Variants in EDIL3 observed in about 807,000 individuals in gnomAD.
EDIL3 encodes the protein EGF like and discoidin domains 3.
Under a neutral mutation model 67.4 loss-of-function variants are expected in EDIL3, and 37 were observed. The ratio of observed to expected loss-of-function variants is 0.55; its 90% CI spans 0.42 to 0.72. The LOEUF (loss-of-function observed/expected upper bound fraction) is 0.72, where lower values mean the gene tolerates loss of function less well. Among genes scored for constraint, EDIL3 ranks in the 30% least tolerant of loss-of-function variants. EDIL3 has a pLI of 0.00. For synonymous variants in EDIL3, 195 were observed against 196.3 expected (o/e 0.99, Z 0.05); for missense variants, 527 against 586.3 (o/e 0.90, Z 1.04).
intron 6 of EDIL3, among the ~76,000 whole-genome samples, chr5:84,100,918 A>G (rs1253557967): frequency 6.6e-6 from 1 of 152,078 alleles, no homozygotes; most frequent in Non-Finnish European, 1.5e-5. Flanking sequence ...AGAAAATTAT[A>G]GAACATGAGA....
chr5:84,209,273 C>T (rs1320606670), intron 3 of EDIL3, among the ~76,000 whole-genome samples: 3 of 151,914 alleles, frequency 2.0e-5, no homozygotes, highest in Admixed American at 1.3e-4. Context: ...ACACCTAATG[C>T]TAAATGACGA....
chr5:83,956,065 C>T (rs1744508968), intron 10 of EDIL3, among the ~76,000 whole-genome samples: 1 of 151,756 alleles, frequency 6.6e-6, no homozygotes, highest in African/African-American at 2.4e-5. Flanking sequence ...GTTCCTGTGG[C>T]TAATGAGTCA....
chr5:84,111,534 CTAGGTAGTAGTGACA>C (rs1344905248), intron 5 of EDIL3, among the ~76,000 whole-genome samples: 3 of 152,120 alleles, frequency 2.0e-5, no homozygotes, highest in African/African-American at 7.2e-5. Context: ...TGGCACTTTT[CTAGGTAGTAGTGACA>C]TAGGGATAAA....
chr5:84,231,765 T>C (rs1459117619), intron 2 of EDIL3, among the ~76,000 whole-genome samples: 2 of 152,084 alleles, frequency 1.3e-5, no homozygotes, highest in African/African-American at 4.8e-5. Flanking sequence ...TATCATAACA[T>C]GTTCAAAGAG....
chr5:83,947,679 G>T (rs1580247054), intron 10 of EDIL3, among the ~76,000 whole-genome samples: 1 of 151,786 alleles, frequency 6.6e-6, no homozygotes, highest in East Asian at 2.0e-4. Flanking sequence ...CAATACAATA[G>T]GACAGGTATG....
chr5:84,310,488 G>A (rs1409472075), intron 1 of EDIL3, among the ~76,000 whole-genome samples: 1 of 152,086 alleles, frequency 6.6e-6, no homozygotes, highest in African/African-American at 2.4e-5. Context: ...GAAAAAAATA[G>A]TAATCTTAAA....
intron 1 of EDIL3, among the ~76,000 whole-genome samples, chr5:84,314,464 T>C (rs970482529): frequency 6.6e-6 from 1 of 152,224 alleles, no homozygotes; most frequent in Non-Finnish European, 1.5e-5. Flanking sequence ...AATGAATGCA[T>C]GCAAAGGAAA....
At chr5:84,008,059 T>C (rs887254364) in intron 9 of EDIL3, among the ~76,000 whole-genome samples, 1 of 152,088 alleles carries the variant, frequency 6.6e-6, no homozygotes, top group African/African-American at 2.4e-5. Context: ...TTTCACTCAT[T>C]TGTGGGAGCT....
At chr5:83,965,892 C>T (rs374644187) in intron 9 of EDIL3, among the ~76,000 whole-genome samples, 3 of 151,924 alleles carry the variant, frequency 2.0e-5, no homozygotes, top group African/African-American at 7.2e-5. Context: ...ACTTAGAGTA[C>T]GAGGCCTAAG....
chr5:84,203,248 G>A (rs531595059), intron 3 of EDIL3, among the ~76,000 whole-genome samples: 7 of 152,254 alleles, frequency 4.6e-5, no homozygotes, highest in Non-Finnish European at 8.8e-5. Flanking sequence ...CTGATATTCT[G>A]TAGGCTGTCA....
intron 4 of EDIL3, among the ~76,000 whole-genome samples, chr5:84,150,835 CA>C (rs528981687): frequency 8.2e-4 from 125 of 152,286 alleles, no homozygotes; most frequent in African/African-American, 3.0e-3. Flanking sequence ...ATGTTCATAG[CA>C]GCTTTATTAC....
intron 5 of EDIL3, among the ~76,000 whole-genome samples, chr5:84,112,128 G>A (rs991648622): frequency 6.6e-6 from 1 of 152,108 alleles, no homozygotes; most frequent in African/African-American, 2.4e-5. Context: ...AGAAGACGGT[G>A]ATGATAGAAT....
intron 2 of EDIL3, among the ~76,000 whole-genome samples, chr5:84,235,177 G>A (rs929038901): frequency 6.6e-6 from 1 of 152,030 alleles, no homozygotes; most frequent in Non-Finnish European, 1.5e-5. Flanking sequence ...GGCCCAACTG[G>A]GATATGACTT....
At chr5:84,008,212 A>G (rs2112177310) in intron 9 of EDIL3, among the ~76,000 whole-genome samples, 1 of 152,276 alleles carries the variant, frequency 6.6e-6, no homozygotes, top group Admixed American at 6.5e-5. Context: ...AATAAGATCT[A>G]GTATTTGATA....
At chr5:84,340,565 TATATATGTTA>T (rs1290923305) in intron 1 of EDIL3, among the ~76,000 whole-genome samples, 33 of 140,354 alleles carry the variant, frequency 2.4e-4, no homozygotes, top group Non-Finnish European at 2.0e-4. Flanking sequence ...TATATATATA[TATATATGTTA>T]GTCTACATAT....
At chr5:84,294,317 G>T (rs1315635723) in intron 1 of EDIL3, among the ~76,000 whole-genome samples, 2 of 149,638 alleles carry the variant, frequency 1.3e-5, no homozygotes, top group African/African-American at 4.9e-5. Flanking sequence ...CCCGGGAGGT[G>T]GAGCTTTCAG....
At chr5:84,023,074 T>G (rs546852343) in intron 9 of EDIL3, among the ~76,000 whole-genome samples, 13 of 152,028 alleles carry the variant, frequency 8.6e-5, no homozygotes, top group African/African-American at 2.6e-4. Context: ...AATAACTTAT[T>G]TAAAAATGAG....
At chr5:84,112,948 A>C (rs927808816) in intron 5 of EDIL3, among the ~76,000 whole-genome samples, 10 of 152,214 alleles carry the variant, frequency 6.6e-5, no homozygotes, top group African/African-American at 2.4e-4. Context: ...ATTTACACTT[A>C]CACTTACATG....
chr5:84,211,732 T>C (rs72776542), intron 3 of EDIL3, among the ~76,000 whole-genome samples: 3,875 of 152,280 alleles, frequency 0.025, 84 homozygotes, highest in Middle Eastern at 0.058. Context: ...AGAGAGAGCA[T>C]GGCCTGGATT....
Sources: allele counts gnomAD v4.1 joint callset (sites outside exome capture counted in the v4.1 genomes callset), GRCh38; gene constraint gnomAD v4.1.1; transcripts MANE v1.5; gene names NCBI Gene and HGNC (gene_info 2026-07-23, HGNC 2026-07-21).